Variants in HECTD4 observed in about 807,000 individuals in gnomAD.
The protein encoded by HECTD4 is probable E3 ubiquitin-protein ligase HECTD4.
Under a neutral mutation model 471.5 loss-of-function variants are expected in HECTD4, and 114 were observed. That is an observed-to-expected ratio of 0.24 (90% CI 0.21 to 0.28). HECTD4 has a LOEUF of 0.28. HECTD4 is among the 10% of genes least tolerant of loss of function. The probability of loss-of-function intolerance (pLI) is 1.00; values close to 1 mark genes in which losing one functional copy is unlikely to be tolerated. For missense variants in HECTD4, 3,866 were observed against 5,651.5 expected (o/e 0.68, Z 10.13); for synonymous variants, 2,012 against 2,256.0 (o/e 0.89, Z 3.07).
intron 55 of HECTD4, among the ~76,000 whole-genome samples, chr12:112,195,452 G>A (rs191145669): frequency 2.0e-5 from 3 of 152,252 alleles, no homozygotes; most frequent in Admixed American, 6.5e-5. Context: ...ACTGACATAC[G>A]CCACAATGGG....
At chr12:112,282,415 A>G (rs1238071242) in intron 8 of HECTD4, among the ~76,000 whole-genome samples, 1 of 151,752 alleles carries the variant, frequency 6.6e-6, no homozygotes, top group African/African-American at 2.4e-5. Flanking sequence ...AAACAACAAC[A>G]ACGAAAAAAA....
At chr12:112,294,165 T>C (rs2135663499) in intron 7 of HECTD4, among the ~76,000 whole-genome samples, 1 of 152,312 alleles carries the variant, frequency 6.6e-6, no homozygotes, top group Non-Finnish European at 1.5e-5. Context: ...TTCTGTATCA[T>C]TCCAATTTTG....
intron 11 of HECTD4, among the ~76,000 whole-genome samples, chr12:112,271,734 C>G (rs1001670211): frequency 6.6e-6 from 1 of 152,152 alleles, no homozygotes; most frequent in Non-Finnish European, 1.5e-5. Flanking sequence ...CTGAATTTTT[C>G]TTTTCAAATC....
chr12:112,271,293 T>A (rs1270065463), intron 11 of HECTD4, among the ~76,000 whole-genome samples: 1 of 152,250 alleles, frequency 6.6e-6, no homozygotes, highest in Non-Finnish European at 1.5e-5. Context: ...GTCTACAAGT[T>A]CTCTGATATG....
In HECTD4 at chr12:112,240,038, G is replaced by T. The variant is rs1345732354; in HGVS notation, c.4959-11C>A. On this transcript the variant is annotated splice_polypyrimidine_tract_variant and intron_variant, in intron 32 of 75. Coordinates refer to ENST00000682272, the MANE Select transcript of HECTD4 (RefSeq NM_001388303.1). ...GTGAGTTCTTCAATTCTGTGAAAGA[G>T]AAACCAAAGCTCAGGCTTCCTGAAC... The T allele has an allele frequency of 2.5e-6, 4 of 1,613,250 alleles. No individual in the cohort carries two copies. Among genetic ancestry groups the T allele is most frequent in the East Asian group, 2.2e-5 (1 of 44,872 alleles).
chr12:112,309,713 T>G (rs1283094383), intron 4 of HECTD4, 44 bp from the exon 5 acceptor site: 2 of 887,070 alleles, frequency 2.3e-6, no homozygotes, highest in Non-Finnish European at 3.4e-6. Context: ...ATGTTTTTTC[T>G]ATTGAAATTA....
chr12:112,325,484 TAA>T (rs2135709485), intron 1 of HECTD4, among the ~76,000 whole-genome samples: 1 of 152,318 alleles, frequency 6.6e-6, no homozygotes, highest in Admixed American at 6.5e-5. Flanking sequence ...AATCATTTTA[TAA>T]AAAGACATCA....
At chr12:112,349,553 G>T (rs1213651150) in intron 1 of HECTD4, among the ~76,000 whole-genome samples, 1 of 152,082 alleles carries the variant, frequency 6.6e-6, no homozygotes, top group East Asian at 1.9e-4. Flanking sequence ...GATAAGGCAT[G>T]CTCCTGGGGA....
In HECTD4 at chr12:112,209,924, G is replaced by A. The variant is rs1299328058; in HGVS notation, c.7867+91C>T. 9 of 1,057,550 alleles carry A rather than the reference G, an allele frequency of 8.5e-6. No individual in the cohort carries two copies. In the East Asian group the frequency reaches 2.1e-4, roughly 24 times the overall value. The allele number at this position is 1,057,550 out of a possible 1,614,324, so 65.5% of individuals were successfully genotyped here. A position where few individuals can be genotyped will look rare whatever the true frequency, so the allele number is the denominator to read the frequency against. On this transcript the variant is annotated intron_variant, in intron 50 of 75. Transcript: ENST00000682272. ...TGAGTTTGCAACTCCTGATTGTAAT[G>A]AGGATGCTCAAGTGCAATGGGTTTA...
Position 112,273,814 on chromosome 12 carries a change from G to A in HECTD4, c.1802-19C>T, listed in dbSNP as rs369929596. 152 of 1,611,670 alleles carry A rather than the reference G, an allele frequency of 9.4e-5. No individual in the cohort carries two copies. Among genetic ancestry groups the A allele is most frequent in the Non-Finnish European group, 1.2e-4 (139 of 1,178,980 alleles). On this transcript the variant is annotated intron_variant, in intron 10 of 75. Transcript: ENST00000682272. ...CACGCTCCTGCAAAAAGAGCATACTGTATTCAGTCACCATGCCACCAGCTA... is the reference window on the plus strand; with the variant it reads ...CACGCTCCTGCAAAAAGAGCATACTATATTCAGTCACCATGCCACCAGCTA...
At chr12:112,175,101 A>T (rs1270379238) in intron 66 of HECTD4, among the ~76,000 whole-genome samples, 2 of 152,114 alleles carry the variant, frequency 1.3e-5, no homozygotes, top group African/African-American at 4.8e-5. Flanking sequence ...GCAAAGTGTG[A>T]CTCTGAGGAT....
chr12:112,194,781 G>A lies in HECTD4; in HGVS notation c.8749+104C>T, dbSNP rs1440406227. ...TGCAATTTCTCACGTGAGCCTATGCGCACCATGAGGCATTTCTCGCCCTCA... is the reference window on the plus strand; with the variant it reads ...TGCAATTTCTCACGTGAGCCTATGCACACCATGAGGCATTTCTCGCCCTCA... On this transcript the variant is annotated intron_variant, in intron 56 of 75. Coordinates refer to ENST00000682272, the MANE Select transcript of HECTD4 (RefSeq NM_001388303.1). This position sits in a 1 kb window ranked among gnomAD's most constrained non-coding sequence, Gnocchi z 4.6. 15 of 1,058,888 alleles carry A rather than the reference G, an allele frequency of 1.4e-5. No individual in the cohort carries two copies. The highest frequency in any genetic ancestry group is 1.1e-4 in the South Asian group (7 of 63,632). The allele number at this position is 1,058,888 out of a possible 1,614,324, so 65.6% of individuals were successfully genotyped here.
Position 112,258,872 on chromosome 12 carries a change from A to G in HECTD4, c.3027+240T>C. On this transcript the variant is annotated intron_variant, in intron 19 of 75. Coordinates refer to ENST00000682272, the MANE Select transcript of HECTD4 (RefSeq NM_001388303.1). ...GGTAGCATTGTATATTAGCATTTTT[A>G]TAGCTGATCAGCCATGAACACTTGC... The G allele has an allele frequency of 1.1e-5, 6 of 563,696 alleles. No individual in the cohort carries two copies. The South Asian group carries it at 1.6e-4, about 15-fold the overall frequency. 34.9% of individuals were successfully genotyped at this position (563,696 alleles called of 1,614,324 possible).
At chr12:112,172,460 G>T (rs1432906921) in intron 67 of HECTD4, among the ~76,000 whole-genome samples, 4 of 152,238 alleles carry the variant, frequency 2.6e-5, no homozygotes, top group African/African-American at 9.6e-5. Flanking sequence ...ATTAAAAAAG[G>T]CCCCAGACTA....
intron 14 of HECTD4, 105 bp downstream of exon 14, chr12:112,266,807 G>T: frequency 1.4e-6 from 1 of 707,826 alleles, no homozygotes; most frequent in South Asian, 1.6e-5. Flanking sequence ...TAAATATGCT[G>T]ACTAACATAC....
At position 112,355,287 on chromosome 12, in the gene HECTD4, C is replaced by CAAA. The variant is rs1310033896; in HGVS notation, c.177+26662_177+26664dup. ...ACCGCGCCGGGCGCCAAATGGGATT[C>CAAA]AAAAAAAAAAAAAAAAAAAAATTGT... On this transcript the variant is annotated intron_variant, in intron 1 of 75. Coordinates refer to ENST00000682272, the MANE Select transcript of HECTD4 (RefSeq NM_001388303.1). Among the ~76,000 whole-genome samples, 58 of 111,378 alleles carry CAAA rather than the reference C, an allele frequency of 5.2e-4. 1 individual carries two copies. Among genetic ancestry groups the CAAA allele is most frequent in the African/African-American group, 1.8e-3 (52 of 28,366 alleles). The allele number at this position is 111,378 out of a possible 152,430, so 73.1% of individuals were successfully genotyped here.
Position 112,179,862 on chromosome 12 carries a change from A to ACAACTTGT in HECTD4, c.10988-473_10988-466dup, listed in dbSNP as rs2137020673. 6.6e-6 allele frequency among the ~76,000 whole-genome samples: 1 copy of ACAACTTGT among 152,386 alleles called. No homozygotes were observed. Among genetic ancestry groups the ACAACTTGT allele is most frequent in the East Asian group, 1.9e-4 (1 of 5,196 alleles). On this transcript the variant is annotated intron_variant, in intron 62 of 75. Coordinates refer to ENST00000682272, the MANE Select transcript of HECTD4 (RefSeq NM_001388303.1). This position sits in a 1 kb window ranked among gnomAD's most constrained non-coding sequence, Gnocchi z 4.3. ...CCAGCAAGTATTTTTAGTGGGAAGT[A>ACAACTTGT]CAACTTGTTAAACAGGTGATCTCAT...
In HECTD4 at chr12:112,213,021, G is replaced by T. The variant is rs565437784; in HGVS notation, c.7466-371C>A. Among the ~76,000 whole-genome samples, 72 of 152,212 alleles carry T rather than the reference G, an allele frequency of 4.7e-4. No homozygotes were observed. The highest frequency in any genetic ancestry group is 8.4e-4 in the Non-Finnish European group (57 of 68,022). ...ATGTTGGCCAGACTGGTCTCGAACT[G>T]TTGACCTCAGGCAATCCACCTGCCT... On this transcript the variant is annotated intron_variant, in intron 48 of 75. Transcript: ENST00000682272. This position sits in a 1 kb window ranked among gnomAD's most constrained non-coding sequence, Gnocchi z 4.0.
intron 64 of HECTD4, among the ~76,000 whole-genome samples, chr12:112,177,820 C>T (rs550943163): frequency 6.6e-6 from 1 of 152,196 alleles, no homozygotes; most frequent in African/African-American, 2.4e-5. Flanking sequence ...TATAGAATTG[C>T]TTCTGTATTT....
Sources: gnomAD v4.1 joint callset for allele counts (sites outside exome capture counted in the v4.1 genomes callset) on GRCh38, gnomAD v4.1.1 for gene constraint, Gnocchi (gnomAD v3.1) non-coding constraint, MANE v1.5 for transcripts, NCBI Gene and HGNC (gene_info 2026-07-23, HGNC 2026-07-21) for gene names.